The following SMG6 variants were observed in gnomAD, a reference collection of about 807,000 sequenced individuals.
SMG6 encodes telomerase-binding protein EST1A.
SMG6 carries 66 observed loss-of-function variants against 142.2 expected under a neutral mutation model. The ratio of observed to expected loss-of-function variants is 0.46; its 90% CI spans 0.38 to 0.57. SMG6 has a LOEUF of 0.57. Ranked by LOEUF, SMG6 falls within the 20% of genes least tolerant of loss-of-function variation. The pLI is 0.00. For missense variants in SMG6, 1,793 were observed against 1,832.0 expected, an observed-to-expected ratio of 0.98 and a Z score of 0.39; for synonymous variants, 779 against 702.4, an observed-to-expected ratio of 1.11 and a Z score of -1.72.
intron 12 of SMG6, among the ~76,000 whole-genome samples, chr17:2,175,050 G>A (rs911543064): frequency 2.0e-5 from 3 of 152,150 alleles, no homozygotes; most frequent in Non-Finnish European, 4.4e-5. Flanking sequence ...GGCCGCCTCC[G>A]AGGTTAGTGC....
intron 8 of SMG6, among the ~76,000 whole-genome samples, chr17:2,265,401 T>C (rs2074401645): frequency 1.3e-5 from 2 of 151,546 alleles, no homozygotes; most frequent in South Asian, 4.1e-4. Flanking sequence ...TCCCAGCTAC[T>C]GGGGAGGCTG....
At chr17:2,167,131 CAAAA>C (rs57898779) in intron 13 of SMG6, among the ~76,000 whole-genome samples, 2 of 35,714 alleles carry the variant, frequency 5.6e-5, no homozygotes, top group African/African-American at 3.1e-4. Context: ...GACTCCATCT[CAAAA>C]AAAAAAAAAA....
At chr17:2,202,604 C>T (rs2072563247) in intron 10 of SMG6, among the ~76,000 whole-genome samples, 1 of 152,026 alleles carries the variant, frequency 6.6e-6, no homozygotes, top group Non-Finnish European at 1.5e-5. Context: ...ATTAGTCTGA[C>T]CCTTCACTTG....
At chr17:2,153,952 C>T (rs1464629637) in intron 13 of SMG6, among the ~76,000 whole-genome samples, 4 of 133,474 alleles carry the variant, frequency 3.0e-5, no homozygotes, top group Admixed American at 1.6e-4. Context: ...TAGAGTGTGA[C>T]GGTGACTGGG....
At chr17:2,069,972 GC>G (rs571688577) in intron 15 of SMG6, among the ~76,000 whole-genome samples, 226 of 152,230 alleles carry the variant, frequency 1.5e-3, no homozygotes, top group African/African-American at 5.1e-3. Flanking sequence ...GCAATTGACA[GC>G]CTAGTCATAT....
chr17:2,300,706 A>G (rs781621469), intron 1 of SMG6, 42 bp from the exon 2 acceptor site: 5 of 1,505,538 alleles, frequency 3.3e-6, no homozygotes, highest in Middle Eastern at 1.8e-4. Context: ...AAGGTAGAAG[A>G]TAAGAATAAA....
chr17:2,162,294 C>T (rs919000342), intron 13 of SMG6, among the ~76,000 whole-genome samples: 33 of 151,924 alleles, frequency 2.2e-4, no homozygotes, highest in Admixed American at 1.8e-3. Flanking sequence ...GGCCAGATCA[C>T]GAGGTCAGGA....
chr17:2,065,364 G>T, intron 17 of SMG6, 104 bp downstream of exon 17: 1 of 1,196,000 alleles, frequency 8.4e-7, no homozygotes, highest in South Asian at 1.3e-5. Flanking sequence ...ATGGTGGCTG[G>T]CCCTCAGCTG....
At chr17:2,233,396 C>T (rs1189808807) in intron 10 of SMG6, 1 of 152,384 alleles carries the variant, frequency 6.6e-6, no homozygotes, top group Non-Finnish European at 1.5e-5. Context: ...GCCAATTCAC[C>T]ACAGACCCCA....
intron 8 of SMG6, among the ~76,000 whole-genome samples, chr17:2,254,403 C>T (rs183750969): frequency 1.3e-5 from 2 of 152,300 alleles, no homozygotes; most frequent in African/African-American, 4.8e-5. Context: ...GGTGCAATCC[C>T]AGCTCACTGC....
At chr17:2,138,756 G>A (rs2070383028) in intron 13 of SMG6, among the ~76,000 whole-genome samples, 1 of 152,182 alleles carries the variant, frequency 6.6e-6, no homozygotes, top group Non-Finnish European at 1.5e-5. Context: ...CATGTCCACA[G>A]TCACATATTT....
intron 4 of SMG6, among the ~76,000 whole-genome samples, chr17:2,296,601 G>C (rs1052922067): frequency 6.6e-6 from 1 of 152,192 alleles, no homozygotes; most frequent in Non-Finnish European, 1.5e-5. Flanking sequence ...CTAAGCATGC[G>C]AGGGACCTAG....
intron 10 of SMG6, among the ~76,000 whole-genome samples, chr17:2,234,491 G>A (rs1292121605): frequency 6.6e-6 from 1 of 151,956 alleles, no homozygotes; most frequent in Non-Finnish European, 1.5e-5. Context: ...TCAATCTCCT[G>A]ACCTCAGGTG....
At chr17:2,092,954 G>C (rs1055735537) in intron 13 of SMG6, among the ~76,000 whole-genome samples, 2 of 152,188 alleles carry the variant, frequency 1.3e-5, no homozygotes, top group African/African-American at 2.4e-5. Flanking sequence ...GCAGCACTTG[G>C]GGAGGCTGAG....
At chr17:2,134,799 C>T (rs1163092555) in intron 13 of SMG6, among the ~76,000 whole-genome samples, 1 of 152,114 alleles carries the variant, frequency 6.6e-6, no homozygotes, top group Non-Finnish European at 1.5e-5. Flanking sequence ...AATTAAATGG[C>T]TTTAGCTATT....
intron 15 of SMG6, among the ~76,000 whole-genome samples, chr17:2,079,502 G>A (rs1247578031): frequency 6.6e-6 from 1 of 152,060 alleles, no homozygotes; most frequent in African/African-American, 2.4e-5. Context: ...TGGGCGTGGT[G>A]GTGCATGCCT....
chr17:2,266,103 C>T (rs1567730795), intron 8 of SMG6: 7 of 985,384 alleles, frequency 7.1e-6, no homozygotes, highest in Non-Finnish European at 8.4e-6. Flanking sequence ...GTTCACCATG[C>T]GTGCCACTCA....
intron 13 of SMG6, among the ~76,000 whole-genome samples, chr17:2,142,474 C>CTCTG (rs552638737): frequency 6.6e-6 from 1 of 151,538 alleles, no homozygotes; most frequent in Non-Finnish European, 1.5e-5. Context: ...GTGAGACCCT[C>CTCTG]TCTGTCTGTC....
At chr17:2,285,773 G>T (rs1048499228) in intron 6 of SMG6, among the ~76,000 whole-genome samples, 3 of 152,018 alleles carry the variant, frequency 2.0e-5, no homozygotes, top group African/African-American at 7.2e-5. Flanking sequence ...TCCCGGATTT[G>T]AGCAATTCTC....
Sources: gnomAD v4.1 joint callset for allele counts (sites outside exome capture counted in the v4.1 genomes callset) on GRCh38, gnomAD v4.1.1 for gene constraint, MANE v1.5 for transcripts, NCBI Gene and HGNC (gene_info 2026-07-23, HGNC 2026-07-21) for gene names.